Variants in LRRC4C observed in about 807,000 individuals in gnomAD.
The protein encoded by LRRC4C is leucine rich repeat containing 4C.
A neutral mutation model predicts 33.6 loss-of-function variants in LRRC4C; 5 were observed. The ratio of observed to expected loss-of-function variants is 0.15; its 90% CI spans 0.08 to 0.31. LRRC4C has a LOEUF of 0.31. Among genes scored for constraint, LRRC4C ranks in the 10% least tolerant of loss-of-function variants. The pLI, the probability that LRRC4C is intolerant of heterozygous loss-of-function variation, is 1.00. For synonymous variants in LRRC4C, 329 were observed against 302.0 expected, an observed-to-expected ratio of 1.09 and a Z score of -0.93; for missense variants, 560 against 796.7, an observed-to-expected ratio of 0.70 and a Z score of 3.58.
chr11:41,069,628 C>T (rs967046374), intron 1 of LRRC4C, among the ~76,000 whole-genome samples: 3 of 152,056 alleles, frequency 2.0e-5, no homozygotes, highest in African/African-American at 4.8e-5. Flanking sequence ...CAACAATACA[C>T]AAGCAGAGAG....
At chr11:41,303,428 G>C (rs1434406863) in intron 1 of LRRC4C, among the ~76,000 whole-genome samples, 15 of 131,340 alleles carry the variant, frequency 1.1e-4, no homozygotes, top group African/African-American at 4.2e-4. Flanking sequence ...GCGTGATCTC[G>C]GCTCACTACA....
chr11:40,190,101 T>G (rs186356464), intron 5 of LRRC4C, among the ~76,000 whole-genome samples: 11 of 152,284 alleles, frequency 7.2e-5, no homozygotes, highest in Non-Finnish European at 1.3e-4. Flanking sequence ...GCTGCAGTTT[T>G]CAGCAGGCTA....
intron 3 of LRRC4C, among the ~76,000 whole-genome samples, chr11:40,458,737 AT>A (rs1952250180): frequency 6.6e-6 from 1 of 152,172 alleles, no homozygotes. Context: ...AGAATTTCAA[AT>A]CACTTTGGAA....
intron 5 of LRRC4C, among the ~76,000 whole-genome samples, chr11:40,228,410 A>G (rs754162330): frequency 2.6e-5 from 4 of 152,148 alleles, no homozygotes; most frequent in African/African-American, 7.2e-5. Flanking sequence ...ATGCACTGTC[A>G]TGTGCAGCCT....
chr11:40,802,612 TC>T (rs1175664333), intron 2 of LRRC4C, among the ~76,000 whole-genome samples: 11 of 152,146 alleles, frequency 7.2e-5, no homozygotes, highest in Non-Finnish European at 1.5e-4. Context: ...ACTTTCAAAG[TC>T]CCTTGCATGT....
Position 40,452,371 on chromosome 11 carries a change from G to A in LRRC4C, c.-269-132650C>T, listed in dbSNP as rs183456181. Among the ~76,000 whole-genome samples the A allele has an allele frequency of 4.6e-5, 7 of 152,218 alleles. No homozygotes were observed. In the East Asian group the frequency reaches 1.4e-3, roughly 29 times the overall value. ...CAACCCCATCAAAAAGTGGGTGAAG[G>A]ATATGAACAGACACTTCTCAAAAGA... On this transcript the variant is annotated intron_variant, in intron 3 of 6. Coordinates refer to ENST00000528697, the MANE Select transcript of LRRC4C (RefSeq NM_001258419.2).
At chr11:40,392,812 A>T (rs1302406077) in intron 3 of LRRC4C, among the ~76,000 whole-genome samples, 4 of 152,136 alleles carry the variant, frequency 2.6e-5, no homozygotes, top group Non-Finnish European at 5.9e-5. Context: ...AGACAAAAAT[A>T]AATAAATAAA....
chr11:40,230,228 G>T (rs979681726), intron 5 of LRRC4C, among the ~76,000 whole-genome samples: 1 of 152,186 alleles, frequency 6.6e-6, no homozygotes, highest in Non-Finnish European at 1.5e-5. Context: ...ATTATTTCGT[G>T]TTAAAGAGAA....
chr11:41,434,266 C>T (rs1955346217), intron 1 of LRRC4C, among the ~76,000 whole-genome samples: 1 of 152,138 alleles, frequency 6.6e-6, no homozygotes, highest in South Asian at 2.1e-4. Flanking sequence ...GCAAAGTCCT[C>T]ATACTTGGTG....
intron 5 of LRRC4C, among the ~76,000 whole-genome samples, chr11:40,165,985 C>T (rs1859561971): frequency 6.6e-6 from 1 of 152,074 alleles, no homozygotes; most frequent in South Asian, 2.1e-4. Context: ...AAAACTATCT[C>T]ACTGCTAGTA....
chr11:41,209,776 C>T (rs376789885), intron 1 of LRRC4C, among the ~76,000 whole-genome samples: 3 of 151,920 alleles, frequency 2.0e-5, no homozygotes, highest in Admixed American at 6.6e-5. Context: ...AATTCTGGGA[C>T]GACAGAAGGT....
At chr11:41,285,735 C>T (rs1411292055) in intron 1 of LRRC4C, among the ~76,000 whole-genome samples, 2 of 152,000 alleles carry the variant, frequency 1.3e-5, no homozygotes. Context: ...AAGTGTGTTA[C>T]TTAAAAAAAG....
intron 1 of LRRC4C, among the ~76,000 whole-genome samples, chr11:41,243,850 C>G (rs907793593): frequency 6.6e-6 from 1 of 152,132 alleles, no homozygotes. Context: ...AACTTCATAG[C>G]AGTACTATGA....
chr11:40,298,955 C>A (rs72893113), intron 4 of LRRC4C, among the ~76,000 whole-genome samples: 10,441 of 152,142 alleles, frequency 0.069, 439 homozygotes, highest in Admixed American at 0.072. Context: ...CAACACATGG[C>A]AATTACAATT....
chr11:41,123,843 G>A lies in LRRC4C; in HGVS notation c.-495-190120C>T, dbSNP rs144454515. ...GAATAAGACAACAACTTCCTACAGC[G>A]TGTAAACTCTTTTCCTGCTAATCAT... On this transcript the variant is annotated intron_variant, in intron 1 of 6. Coordinates refer to ENST00000528697, the MANE Select transcript of LRRC4C (RefSeq NM_001258419.2). Among the ~76,000 whole-genome samples, 20 of 152,264 alleles carry A rather than the reference G, an allele frequency of 1.3e-4. 1 individual carries two copies. Among genetic ancestry groups the A allele is most frequent in the South Asian group, 4.1e-4 (2 of 4,824 alleles).
At chr11:41,394,346 T>G (rs932919475) in intron 1 of LRRC4C, among the ~76,000 whole-genome samples, 1 of 151,960 alleles carries the variant, frequency 6.6e-6, no homozygotes, top group African/African-American at 2.4e-5. Flanking sequence ...GGAGGGGGAC[T>G]TAATCTAATT....
At chr11:41,028,499 T>C (rs1426581075) in intron 1 of LRRC4C, among the ~76,000 whole-genome samples, 1 of 151,558 alleles carries the variant, frequency 6.6e-6, no homozygotes, top group African/African-American at 2.4e-5. Context: ...TTAGCTTCTC[T>C]CTCACTTAAA....
intron 1 of LRRC4C, among the ~76,000 whole-genome samples, chr11:41,416,678 A>G (rs1026256265): frequency 6.6e-6 from 1 of 152,014 alleles, no homozygotes; most frequent in Non-Finnish European, 1.5e-5. Flanking sequence ...AAATTAATGT[A>G]CCAAGGGACT....
At chr11:40,985,742 C>T (rs1186263050) in intron 1 of LRRC4C, among the ~76,000 whole-genome samples, 6 of 584 alleles carry the variant, frequency 0.01, 3 homozygotes, top group African/African-American at 0.01. Context: ...CCACCCGCCT[C>T]GGCCTCCCAA....
Sources: allele counts gnomAD v4.1 joint callset (sites outside exome capture counted in the v4.1 genomes callset), GRCh38; gene constraint gnomAD v4.1.1; transcripts MANE v1.5; gene names NCBI Gene and HGNC (gene_info 2026-07-23, HGNC 2026-07-21).